The following CRYBA4 variants were observed in gnomAD, a reference collection of about 807,000 sequenced individuals.
CRYBA4 encodes beta-crystallin A4.
Under a neutral mutation model 31.7 loss-of-function variants are expected in CRYBA4, and 30 were observed. The ratio of observed to expected loss-of-function variants is 0.95; its 90% CI spans 0.71 to 1.28. The LOEUF (loss-of-function observed/expected upper bound fraction) is 1.28, where lower values mean the gene tolerates loss of function less well. Ranked by LOEUF, CRYBA4 falls within the 50% of genes most tolerant of loss-of-function variation. CRYBA4 has a pLI of 0.00. For synonymous variants in CRYBA4, 102 were observed against 102.3 expected (o/e 1.00, Z 0.02); for missense variants, 225 against 260.7 (o/e 0.86, Z 0.94).
chr22:26,626,858 A>T (rs974776100), intron 4 of CRYBA4, among the ~76,000 whole-genome samples: 1 of 152,154 alleles, frequency 6.6e-6, no homozygotes, highest in South Asian at 2.1e-4. Context: ...TATATATCTT[A>T]TCTATATTGC....
chr22:26,594,442 T>C, the CRYBA4 span, among the ~76,000 whole-genome samples: 1 of 152,192 alleles, frequency 6.6e-6, no homozygotes, highest in African/African-American at 2.4e-5. Flanking sequence ...TTGCCTCTTG[T>C]CGATGAGAAT....
the CRYBA4 span, chr22:26,590,240 G>A: frequency 2.7e-5 from 4 of 146,610 alleles, no homozygotes; most frequent in African/African-American, 9.9e-5. Flanking sequence ...GGGACCGCGA[G>A]GTGAGCAGAG....
At chr22:26,613,657 C>T in the CRYBA4 span, among the ~76,000 whole-genome samples, 2 of 152,114 alleles carry the variant, frequency 1.3e-5, no homozygotes, top group African/African-American at 4.8e-5. Flanking sequence ...GGATGTATGT[C>T]GCCTCAGGAC....
chr22:26,602,140 C>A, the CRYBA4 span: 6 of 1,290,766 alleles, frequency 4.6e-6, no homozygotes, highest in African/African-American at 1.5e-5. Context: ...TGCTGGGGGA[C>A]TCTCCAGGGA....
the CRYBA4 span, among the ~76,000 whole-genome samples, chr22:26,602,490 C>T: frequency 6.6e-6 from 1 of 151,654 alleles, no homozygotes; most frequent in South Asian, 2.1e-4. Context: ...ACTTGGAAGG[C>T]TGAGGCAGGA....
rs1447609778 is a variant in CRYBA4 at position 26,625,494 on chromosome 22, G to A, written c.172G>A (p.Glu58Lys). ...KVLSGAWVGF[E>K]HAGFQGQQYI... The stretch of plus-strand genomic sequence containing the variant: ...CTCTGTCTGCAGGTGGGTGGGCTTT[G>A]AGCATGCTGGCTTCCAAGGGCAGCA... The change falls in exon 4 of 6, where the codon GAG becomes AAG. Residue 58 changes from glutamate to lysine, a missense_variant. Coordinates refer to ENST00000354760, the MANE Select transcript of CRYBA4 (RefSeq NM_001886.3). 9 of 1,613,784 alleles carry A rather than the reference G, an allele frequency of 5.6e-6. No individual in the cohort carries two copies. The highest frequency in any genetic ancestry group is 1.3e-5 in the African/African-American group (1 of 74,916).
chr22:26,613,659 C>T, the CRYBA4 span, among the ~76,000 whole-genome samples: 1 of 152,166 alleles, frequency 6.6e-6, no homozygotes, highest in Non-Finnish European at 1.5e-5. Flanking sequence ...ATGTATGTCG[C>T]CTCAGGACCG....
At chr22:26,616,533 C>T in the CRYBA4 span, among the ~76,000 whole-genome samples, 8 of 152,236 alleles carry the variant, frequency 5.3e-5, no homozygotes, top group African/African-American at 1.9e-4. Context: ...ACTCATCCCA[C>T]ATATATCCTT....
intron 4 of CRYBA4, among the ~76,000 whole-genome samples, 183 bp downstream of exon 4, chr22:26,625,805 G>A (rs1320403032): frequency 6.6e-6 from 1 of 152,198 alleles, no homozygotes; most frequent in Non-Finnish European, 1.5e-5. Context: ...TAGTACCAAT[G>A]TTCTTGGGAA....
At chr22:26,607,769 C>T in the CRYBA4 span, 18 of 1,362,866 alleles carry the variant, frequency 1.3e-5, no homozygotes, top group South Asian at 4.7e-5. Context: ...TTTGACAACT[C>T]GGAGGCTGCC....
At chr22:26,606,028 T>C in the CRYBA4 span, among the ~76,000 whole-genome samples, 2 of 152,212 alleles carry the variant, frequency 1.3e-5, no homozygotes, top group Non-Finnish European at 1.5e-5. Context: ...TTGCAATTGT[T>C]TTAAAGCTCA....
At position 26,623,229 on chromosome 22, in the gene CRYBA4, C is replaced by A. The variant is rs751503329; in HGVS notation, c.40-5C>A. On this transcript the variant is annotated splice_region_variant and splice_polypyrimidine_tract_variant and intron_variant, in intron 2 of 5. Transcript: ENST00000354760. ...GATCTCCACCTTTTTTTTTTCCTGG[C>A]ACAGATGGTGGTGTGGGATGAGGAC... The A allele has an allele frequency of 1.2e-6, 2 of 1,609,946 alleles. No individual in the cohort carries two copies. The highest frequency in any genetic ancestry group is 1.7e-6 in the Non-Finnish European group (2 of 1,177,670).
the CRYBA4 span, among the ~76,000 whole-genome samples, chr22:26,592,823 A>G: frequency 1.1e-4 from 16 of 152,208 alleles, no homozygotes; most frequent in African/African-American, 3.1e-4. Flanking sequence ...TCAGGAACCC[A>G]GAGAGGGGAT....
chr22:26,628,213 G>A, intron 4 of CRYBA4, 75 bp from the exon 5 acceptor site: 1 of 1,603,830 alleles, frequency 6.2e-7, no homozygotes, highest in East Asian at 2.2e-5. Context: ...AGGGCAGGGA[G>A]TGTGGAGGCC....
chr22:26,590,526 T>G, the CRYBA4 span, among the ~76,000 whole-genome samples: 1 of 152,202 alleles, frequency 6.6e-6, no homozygotes, highest in Non-Finnish European at 1.5e-5. Context: ...TGATGTATAG[T>G]CATACACACC....
chr22:26,623,615 A>T (rs1929611598), intron 3 of CRYBA4, among the ~76,000 whole-genome samples: 1 of 152,160 alleles, frequency 6.6e-6, no homozygotes, highest in Non-Finnish European at 1.5e-5. Context: ...CCAGTGTTGG[A>T]TCTAAAAATG....
chr22:26,621,984 T>G lies in CRYBA4; in HGVS notation c.-15T>G. On this transcript the variant is annotated splice_region_variant and 5_prime_UTR_variant, in exon 1 of 6. Coordinates refer to ENST00000354760, the MANE Select transcript of CRYBA4 (RefSeq NM_001886.3). The stretch of plus-strand genomic sequence containing the variant: ...ATCTGACATGTTCCCTGGGCCTATC[T>G]CGGTAAGTCCCAGGTTTGGAGGAGG... The G allele has an allele frequency of 1.0e-6, 1 of 986,296 alleles. No homozygotes were observed. The highest frequency in any genetic ancestry group is 1.2e-6 in the Non-Finnish European group (1 of 830,312). 61.1% of individuals were successfully genotyped at this position (986,296 alleles called of 1,614,324 possible).
intron 4 of CRYBA4, among the ~76,000 whole-genome samples, chr22:26,626,310 A>G (rs1929702839): frequency 6.6e-6 from 1 of 152,236 alleles, no homozygotes; most frequent in Non-Finnish European, 1.5e-5. Flanking sequence ...AGGCTGAGGC[A>G]GGAGAATCAC....
the CRYBA4 span, among the ~76,000 whole-genome samples, chr22:26,611,539 A>G: frequency 1.3e-5 from 2 of 150,702 alleles, no homozygotes; most frequent in Non-Finnish European, 3.0e-5. Context: ...CAGTGGCGCA[A>G]TCTCGGCTCA....
Sources: gnomAD v4.1 joint callset for allele counts (sites outside exome capture counted in the v4.1 genomes callset) on GRCh38, gnomAD v4.1.1 for gene constraint, MANE v1.5 for transcripts, NCBI Gene and HGNC (gene_info 2026-07-23, HGNC 2026-07-21) for gene names.